Variants in SLC24A2 observed in about 807,000 individuals in gnomAD.
The protein encoded by SLC24A2 is sodium/potassium/calcium exchanger 2.
Under a neutral mutation model 62.0 loss-of-function variants are expected in SLC24A2, and 36 were observed. The ratio of observed to expected loss-of-function variants is 0.58; its 90% CI spans 0.44 to 0.77. The LOEUF is 0.77. Among genes scored for constraint, SLC24A2 ranks in the 30% least tolerant of loss-of-function variants. SLC24A2 has a pLI of 0.00. For synonymous variants in SLC24A2, 358 were observed against 294.0 expected (o/e 1.22, Z -2.23); for missense variants, 846 against 817.9 (o/e 1.03, Z -0.42).
chr9:19,691,565 G>C (rs577962563), intron 2 of SLC24A2, among the ~76,000 whole-genome samples: 29 of 152,136 alleles, frequency 1.9e-4, no homozygotes, highest in Admixed American at 3.3e-4. Flanking sequence ...AGTACTTTAA[G>C]AGTAGTTTAA....
chr9:19,954,111 T>C, the SLC24A2 span, among the ~76,000 whole-genome samples: 1 of 152,160 alleles, frequency 6.6e-6, no homozygotes, highest in Non-Finnish European at 1.5e-5. Context: ...TTTAAATATG[T>C]TAAATCTTTA....
intron 8 of SLC24A2, among the ~76,000 whole-genome samples, chr9:19,531,745 T>A (rs1320321325): frequency 7.4e-6 from 1 of 135,150 alleles, no homozygotes; most frequent in East Asian, 2.5e-4. Flanking sequence ...GTCTCTGGAT[T>A]AATATGACTG....
chr9:20,276,227 T>G, the SLC24A2 span, among the ~76,000 whole-genome samples: 1 of 152,196 alleles, frequency 6.6e-6, no homozygotes, highest in African/African-American at 2.4e-5. Context: ...GCAAGTTAAT[T>G]TCTTCCTAGA....
rs1025490690 is a variant in SLC24A2, at chr9:19,511,757, C to T, written c.*4396G>A. 1.3e-5 allele frequency: 2 copies of T among 152,174 alleles called. No homozygotes were observed. The highest frequency in any genetic ancestry group is 4.8e-5 in the African/African-American group (2 of 41,436). 9.4% of individuals were successfully genotyped at this position (152,174 alleles called of 1,614,324 possible). A position where few individuals can be genotyped will look rare whatever the true frequency, so the allele number is the denominator to read the frequency against. The stretch of plus-strand genomic sequence containing the variant: ...TCTCCAGAAATCACCCTGAGAACAG[C>T]TTCACTTTGTTTCTTCTGGAACACA... On this transcript the variant is annotated 3_prime_UTR_variant, in exon 11 of 11. Coordinates refer to ENST00000341998, the MANE Select transcript of SLC24A2 (RefSeq NM_020344.4).
the SLC24A2 span, among the ~76,000 whole-genome samples, chr9:20,189,500 T>C: frequency 6.6e-6 from 1 of 152,178 alleles, no homozygotes; most frequent in African/African-American, 2.4e-5. Context: ...ATGGAAGAAA[T>C]CTTAAAGAAA....
chr9:19,572,299 T>C (rs1442999749), intron 7 of SLC24A2, among the ~76,000 whole-genome samples: 1 of 147,032 alleles, frequency 6.8e-6, no homozygotes, highest in Non-Finnish European at 1.5e-5. Context: ...TACTAATGCC[T>C]ACACCTTCAG....
the SLC24A2 span, among the ~76,000 whole-genome samples, chr9:19,841,510 G>T: frequency 6.6e-6 from 1 of 152,170 alleles, no homozygotes; most frequent in Non-Finnish European, 1.5e-5. Flanking sequence ...GATGGGTTAG[G>T]GGAGGGCATA....
the SLC24A2 span, among the ~76,000 whole-genome samples, chr9:20,133,898 A>G: frequency 2.0e-5 from 3 of 152,212 alleles, no homozygotes; most frequent in Non-Finnish European, 2.9e-5. Context: ...ATATGAATTC[A>G]GTTTAACTTA....
chr9:20,303,614 G>C, the SLC24A2 span, among the ~76,000 whole-genome samples: 7 of 152,214 alleles, frequency 4.6e-5, no homozygotes, highest in South Asian at 1.5e-3. Flanking sequence ...TCAAGCAAGA[G>C]ACATTTGCAC....
intron 2 of SLC24A2, among the ~76,000 whole-genome samples, chr9:19,679,223 T>G (rs985388847): frequency 4.0e-5 from 6 of 149,392 alleles, no homozygotes; most frequent in Non-Finnish European, 7.4e-5. Flanking sequence ...AATAGTGTCT[T>G]TAGGTTTATT....
intron 2 of SLC24A2, among the ~76,000 whole-genome samples, chr9:19,714,749 A>AT: frequency 6.6e-6 from 1 of 152,258 alleles, no homozygotes; most frequent in Non-Finnish European, 1.5e-5. Context: ...ACAGTTATCC[A>AT]TTTTTCCCCT....
chr9:20,177,787 CTAT>C, the SLC24A2 span, among the ~76,000 whole-genome samples: 17 of 152,056 alleles, frequency 1.1e-4, no homozygotes, highest in African/African-American at 3.6e-4. Context: ...ATACAGTATA[CTAT>C]TATACTATTT....
At chr9:19,719,557 C>T (rs532257538) in intron 2 of SLC24A2, among the ~76,000 whole-genome samples, 2 of 152,096 alleles carry the variant, frequency 1.3e-5, no homozygotes, top group Admixed American at 6.5e-5. Flanking sequence ...CCTCCATTAA[C>T]GATAGAGGAG....
the SLC24A2 span, among the ~76,000 whole-genome samples, chr9:20,196,467 T>C: frequency 6.6e-6 from 1 of 152,230 alleles, no homozygotes; most frequent in African/African-American, 2.4e-5. Flanking sequence ...TGTGAATTTA[T>C]CGCCTTTATT....
At chr9:19,582,533 A>G (rs1836238537) in intron 5 of SLC24A2, among the ~76,000 whole-genome samples, 1 of 152,208 alleles carries the variant, frequency 6.6e-6, no homozygotes, top group African/African-American at 2.4e-5. Flanking sequence ...GAAAGGAAAA[A>G]ATAACACAGG....
the SLC24A2 span, among the ~76,000 whole-genome samples, chr9:20,281,478 G>C: frequency 6.6e-6 from 1 of 151,838 alleles, no homozygotes; most frequent in East Asian, 1.9e-4. Flanking sequence ...CTCTTTTCTC[G>C]GTCACTACTC....
chr9:19,648,587 A>G (rs1818708817), intron 2 of SLC24A2, among the ~76,000 whole-genome samples: 1 of 152,228 alleles, frequency 6.6e-6, no homozygotes, highest in South Asian at 2.1e-4. Flanking sequence ...TCACCTGTAG[A>G]AAGAAAGCCC....
At chr9:19,877,055 C>T in the SLC24A2 span, among the ~76,000 whole-genome samples, 1 of 151,822 alleles carries the variant, frequency 6.6e-6, no homozygotes, top group African/African-American at 2.4e-5. Context: ...TAATATGAAC[C>T]TTTGCCTTTC....
the SLC24A2 span, among the ~76,000 whole-genome samples, chr9:20,085,829 A>G: frequency 3.3e-5 from 5 of 152,244 alleles, no homozygotes; most frequent in African/African-American, 1.2e-4. Context: ...ATTAGTATTA[A>G]AAACCTGACT....
Sources: gnomAD v4.1 joint callset for allele counts (sites outside exome capture counted in the v4.1 genomes callset) on GRCh38, gnomAD v4.1.1 for gene constraint, MANE v1.5 for transcripts, NCBI Gene and HGNC (gene_info 2026-07-23, HGNC 2026-07-21) for gene names.